Variants in OR1J2 observed in about 807,000 individuals in gnomAD.
OR1J2 encodes the protein olfactory receptor family 1 subfamily J member 2, also known as olfactory receptor 1J2.
For synonymous variants in OR1J2, 142 were observed against 99.7 expected, an observed-to-expected ratio of 1.42 and a Z score of -2.52; for missense variants, 304 against 246.1, an observed-to-expected ratio of 1.24 and a Z score of -1.57.
At chr9:122,486,908 C>A in the OR1J2 span, among the ~76,000 whole-genome samples, 1 of 152,012 alleles carries the variant, frequency 6.6e-6, no homozygotes. Context: ...TTCTTAAAAG[C>A]CTTTGCATAG....
the OR1J2 span, among the ~76,000 whole-genome samples, chr9:122,539,486 T>C: frequency 6.6e-6 from 1 of 152,170 alleles, no homozygotes. Flanking sequence ...GGTGTATAGG[T>C]GCCACATTTT....
At chr9:122,513,640 G>T (rs1233499708), downstream of OR1J2, among the ~76,000 whole-genome samples, 1 of 151,904 alleles carries the variant, frequency 6.6e-6, no homozygotes, top group Non-Finnish European at 1.5e-5. Context: ...CCGGTCATTT[G>T]GTTTTAAGCC....
the OR1J2 span, among the ~76,000 whole-genome samples, chr9:122,555,909 T>G: frequency 2.6e-5 from 4 of 152,194 alleles, no homozygotes; most frequent in Non-Finnish European, 1.5e-5. Flanking sequence ...TACATTGGAG[T>G]TCATTCTTGG....
the OR1J2 span, among the ~76,000 whole-genome samples, chr9:122,451,907 C>T: frequency 6.6e-6 from 1 of 151,978 alleles, no homozygotes; most frequent in Non-Finnish European, 1.5e-5. Context: ...GAGACGGAGT[C>T]TCGCTCTGTC....
chr9:122,489,527 A>G, the OR1J2 span, among the ~76,000 whole-genome samples: 1 of 152,124 alleles, frequency 6.6e-6, no homozygotes, highest in Non-Finnish European at 1.5e-5. Context: ...GTTGTTTTGC[A>G]TGAGGCCCAG....
At chr9:122,553,451 C>T in the OR1J2 span, 1 of 1,614,174 alleles carries the variant, frequency 6.2e-7, no homozygotes, top group Non-Finnish European at 8.5e-7. Flanking sequence ...CTTCTGCCTC[C>T]ATCCCCAAAA....
the OR1J2 span, among the ~76,000 whole-genome samples, chr9:122,580,258 CAT>C: frequency 6.6e-6 from 1 of 152,152 alleles, no homozygotes; most frequent in Non-Finnish European, 1.5e-5. Context: ...TTTTAAATTT[CAT>C]ATAAGTGCAC....
At chr9:122,561,416 C>A in the OR1J2 span, among the ~76,000 whole-genome samples, 11 of 152,270 alleles carry the variant, frequency 7.2e-5, no homozygotes, top group Non-Finnish European at 1.3e-4. Context: ...GGAGAAAAGG[C>A]ACTCTGGCCT....
At chr9:122,568,020 G>A in the OR1J2 span, 4 of 1,614,090 alleles carry the variant, frequency 2.5e-6, no homozygotes, top group African/African-American at 1.3e-5. Flanking sequence ...GTGGAGGTGA[G>A]GAAATGAGCA....
the OR1J2 span, among the ~76,000 whole-genome samples, chr9:122,468,382 C>CT: frequency 2.6e-5 from 4 of 152,174 alleles, no homozygotes; most frequent in Admixed American, 1.3e-4. Flanking sequence ...GAATTCCCAA[C>CT]TTTTCTTTTC....
downstream of OR1J2, among the ~76,000 whole-genome samples, chr9:122,512,527 G>GGTAGTAGATGGGATGAAACAA (rs1325694994): frequency 5.3e-5 from 8 of 152,288 alleles, 1 homozygote; most frequent in Admixed American, 1.3e-4. Context: ...TCTGAATTCT[G>GGTAGTAGATGGGATGAAACAA]GTAGTAGATG....
the OR1J2 span, chr9:122,554,054 T>C: frequency 6.3e-5 from 102 of 1,613,648 alleles, no homozygotes; most frequent in Admixed American, 1.7e-3. Flanking sequence ...CTGTTCTCTA[T>C]ATGGTGATTA....
chr9:122,567,821 A>G, the OR1J2 span: 1 of 1,613,998 alleles, frequency 6.2e-7, no homozygotes, highest in Admixed American at 1.7e-5. Context: ...GGATTCGTAT[A>G]TAAGAGAAAG....
chr9:122,512,127 C>G (rs1828649039), downstream of OR1J2, among the ~76,000 whole-genome samples: 1 of 152,182 alleles, frequency 6.6e-6, no homozygotes, highest in South Asian at 2.1e-4. Flanking sequence ...ACTATTCTCT[C>G]TAATGTAGAC....
At chr9:122,467,335 G>T in the OR1J2 span, among the ~76,000 whole-genome samples, 1 of 151,998 alleles carries the variant, frequency 6.6e-6, no homozygotes, top group Non-Finnish European at 1.5e-5. Flanking sequence ...TGTTAATTCT[G>T]CCCCGCTCCA....
the OR1J2 span, among the ~76,000 whole-genome samples, chr9:122,520,659 T>A: frequency 6.6e-6 from 1 of 152,204 alleles, no homozygotes; most frequent in African/African-American, 2.4e-5. Flanking sequence ...GCTTTCTGAC[T>A]ACACATGTGA....
the OR1J2 span, among the ~76,000 whole-genome samples, chr9:122,561,786 A>G: frequency 2.0e-5 from 3 of 152,170 alleles, no homozygotes; most frequent in African/African-American, 7.2e-5. Flanking sequence ...AATGTCTGAC[A>G]ACCCCTGTTG....
chr9:122,563,705 C>T, the OR1J2 span, among the ~76,000 whole-genome samples: 26 of 152,222 alleles, frequency 1.7e-4, no homozygotes, highest in Admixed American at 1.6e-3. Context: ...TGTCATAAAG[C>T]ATTTCCCCTA....
At chr9:122,494,006 G>A in the OR1J2 span, among the ~76,000 whole-genome samples, 1 of 152,052 alleles carries the variant, frequency 6.6e-6, no homozygotes, top group African/African-American at 2.4e-5. Flanking sequence ...TTTCCTTTTG[G>A]AGTTGATTTC....
Sources: allele counts gnomAD v4.1 joint callset (sites outside exome capture counted in the v4.1 genomes callset), GRCh38; gene constraint gnomAD v4.1.1; transcripts MANE v1.5; gene names NCBI Gene and HGNC (gene_info 2026-07-23, HGNC 2026-07-21).